MROH7: variants seen among roughly 807,000 people sequenced by gnomAD.
The protein encoded by MROH7 is maestro heat like repeat family member 7.
In MROH7, 113 loss-of-function variants were observed where a neutral mutation model predicts 129.2. That is an observed-to-expected ratio of 0.87 (90% CI 0.75 to 1.02). The LOEUF is 1.02. MROH7 is among the 50% of genes least tolerant of loss of function. The pLI, the probability that MROH7 is intolerant of heterozygous loss-of-function variation, is 0.00. For missense variants in MROH7, 1,601 were observed against 1,671.3 expected, an observed-to-expected ratio of 0.96 and a Z score of 0.73; for synonymous variants, 655 against 667.9, an observed-to-expected ratio of 0.98 and a Z score of 0.30.
intron 4 of MROH7, 88 bp from the exon 5 acceptor site, chr1:54,668,766 G>C (rs1644851105): frequency 2.2e-6 from 2 of 889,772 alleles, no homozygotes; most frequent in Non-Finnish European, 3.7e-6. Context: ...GTAGGTGTCG[G>C]GTGGTTAACA....
intron 14 of MROH7, 146 bp downstream of exon 14, chr1:54,682,940 G>A (rs553489746): frequency 4.6e-6 from 4 of 863,046 alleles, no homozygotes; most frequent in Non-Finnish European, 6.9e-6. Context: ...TCTGGCTCTG[G>A]CTCTTGTCTG....
At chr1:54,661,504 G>A (rs1198719642) in intron 3 of MROH7, among the ~76,000 whole-genome samples, 1 of 151,954 alleles carries the variant, frequency 6.6e-6, no homozygotes, top group Non-Finnish European at 1.5e-5. Flanking sequence ...GAACCACCAC[G>A]TCAGGCCCTG....
chr1:54,701,872 G>GT (rs34319524), intron 19 of MROH7, among the ~76,000 whole-genome samples: 2,093 of 147,608 alleles, frequency 0.014, 31 homozygotes, highest in African/African-American at 0.042. Flanking sequence ...CACCTGGCCA[G>GT]TTTTTTTTTT....
intron 7 of MROH7, among the ~76,000 whole-genome samples, chr1:54,672,795 C>T (rs1644921475): frequency 6.6e-6 from 1 of 152,076 alleles, no homozygotes; most frequent in Admixed American, 6.5e-5. Flanking sequence ...GGCAAATCAC[C>T]AGGTAGCCAC....
In MROH7 at chr1:54,679,890, G is replaced by C. The variant is rs752665202; in HGVS notation, c.2227-1G>C. The stretch of plus-strand genomic sequence containing the variant: ...TCATGGCTGCCCCGGCTGTGCCCCA[G>C]ATCCCAGAAATCATGCAAGGCATCT... On this transcript the variant is annotated splice_acceptor_variant, in intron 12 of 23. Coordinates refer to ENST00000421030, the MANE Select transcript of MROH7 (RefSeq NM_001039464.4). LOFTEE classifies it high-confidence loss of function. 1 of 1,606,034 alleles carries C rather than the reference G, an allele frequency of 6.2e-7. No homozygotes were observed. The highest frequency in any genetic ancestry group is 1.1e-5 in the South Asian group (1 of 90,928).
intron 5 of MROH7, among the ~76,000 whole-genome samples, chr1:54,670,129 G>C (rs1644873828): frequency 6.6e-6 from 1 of 152,048 alleles, no homozygotes; most frequent in South Asian, 2.1e-4. Context: ...GTTTTCAAGG[G>C]CCACACATAG....
chr1:54,645,181 T>TGTTG (rs987074185), intron 1 of MROH7, among the ~76,000 whole-genome samples: 2 of 152,196 alleles, frequency 1.3e-5, no homozygotes, highest in Non-Finnish European at 2.9e-5. Flanking sequence ...TCAGTGTTAA[T>TGTTG]GTTGGTTGGT....
At position 54,653,826 on chromosome 1, in the gene MROH7, G is replaced by A; in HGVS notation, c.900G>A (p.Leu300=). ...VTITQASYVT[L]IPGSSYGISL... ...TCACTCAAGCCTCGTATGTGACCCT[G>A]ATTCCTGGCTCCAGCTATGGTATCA... Residue 300 remains leucine, a synonymous_variant, in exon 3 of 24, where the codon CTG becomes CTA. Coordinates refer to ENST00000421030, the MANE Select transcript of MROH7 (RefSeq NM_001039464.4). 1 of 1,614,126 alleles carries A rather than the reference G, an allele frequency of 6.2e-7. No homozygotes were observed. The highest frequency in any genetic ancestry group is 8.5e-7 in the Non-Finnish European group (1 of 1,180,002).
In MROH7 at chr1:54,695,412, C is replaced by T. The variant is rs146007179; in HGVS notation, c.2886C>T (p.Arg962=). The T allele has an allele frequency of 1.1e-3, 1,768 of 1,613,606 alleles. 19 individuals are homozygous for T. The African/African-American group carries it at 0.021, about 19-fold the overall frequency. Residue 962 remains arginine (R), a synonymous_variant, in exon 17 of 24, where the codon CGC becomes CGT. Transcript: ENST00000421030. ...AGTACTCCTGCCAGGAGCTGTGCCG[C>T]ATCCTCTACCTGCTCATCCCGCTCC... ...MVQYSCQELC[R]ILYLLIPLLE... is the part of the protein sequence containing the mutation.
At position 54,653,002 on chromosome 1, in the gene MROH7, GC is replaced by G; in HGVS notation, c.80del (p.Pro27ArgfsTer3). ...GACACCAAGTCCCCCCTCCTGTGGGGCCCCGGGATTAGGGTCTGGTACCATC... is the reference window on the plus strand; with the variant it reads ...GACACCAAGTCCCCCCTCCTGTGGGGCCCGGGATTAGGGTCTGGTACCATC... Reference protein sequence around the residue: ...KMTPSPPSCGAPGLGSGTIPQ... With the variant: ...KMTPSPPSCGXPGLGSGTIPQ... On this transcript the variant is annotated frameshift_variant, in exon 3 of 24. Transcript: ENST00000421030. LOFTEE classifies it high-confidence loss of function. The G allele has an allele frequency of 1.9e-6, 3 of 1,614,036 alleles. No homozygotes were observed. Among genetic ancestry groups the G allele is most frequent in the Middle Eastern group, 1.7e-4 (1 of 6,058 alleles).
intron 22 of MROH7, among the ~76,000 whole-genome samples, chr1:54,707,779 T>C (rs11206418): frequency 0.25 from 38,240 of 151,820 alleles, 4,974 homozygotes; most frequent in South Asian, 0.34. Context: ...TTAACCTTTT[T>C]TGGGTTATGG....
rs1394547518 is a variant in MROH7 at position 54,703,254 on chromosome 1, A to G, written c.3564+509A>G. 6.6e-6 allele frequency among the ~76,000 whole-genome samples: 1 copy of G among 151,502 alleles called. No individual in the cohort carries two copies. The highest frequency in any genetic ancestry group is 1.5e-5 in the Non-Finnish European group (1 of 67,904). On this transcript the variant is annotated intron_variant, in intron 21 of 23. Transcript: ENST00000421030. The surrounding 1 kb of genome is among the most constrained non-coding windows in gnomAD (Gnocchi z 4.4). ...CCTTTAACTCCATCCCCTCCAATCC[A>G]TTTCCCACCCAGGCCACCAGAATGG...
chr1:54,706,621 C>T, intron 22 of MROH7, 84 bp downstream of exon 22: 2 of 1,012,486 alleles, frequency 2.0e-6, no homozygotes, highest in African/African-American at 1.6e-5. Context: ...CTAGCCCTTT[C>T]AGCACCTGGG....
Position 54,659,733 on chromosome 1 carries a change from G to A in MROH7, c.1232-5434G>A, listed in dbSNP as rs573663764. On this transcript the variant is annotated intron_variant, in intron 3 of 23. Transcript: ENST00000421030. ...CTCCCAAAGTGCCAGGATTACAAGC[G>A]TGAGCCACTGTGCCCGGCTGTACTT... is the stretch of plus-strand genomic sequence containing the variant. Among the ~76,000 whole-genome samples, 4 of 152,284 alleles carry A rather than the reference G, an allele frequency of 2.6e-5. No individual in the cohort carries two copies. The East Asian group carries it at 5.8e-4, about 22-fold the overall frequency.
At position 54,679,393 on chromosome 1, in the gene MROH7, T is replaced by C. The variant is rs1645032077; in HGVS notation, c.2180T>C (p.Met727Thr). The C allele has an allele frequency of 6.2e-7, 1 of 1,614,040 alleles. No homozygotes were observed. The highest frequency in any genetic ancestry group is 2.2e-5 in the East Asian group (1 of 44,880). Residue 727 changes from methionine (M) to threonine (T), a missense_variant, in exon 12 of 24, where the codon ATG (methionine) becomes ACG (threonine). Met to Thr is a moderately conservative substitution (Grantham distance 81). Transcript: ENST00000421030. Reference protein sequence around the residue: ...REMMQLASEVMLSSVLEWYRH... With the variant: ...REMMQLASEVTLSSVLEWYRH... ...ATGATGCAGCTGGCCTCGGAGGTCA[T>C]GCTCAGCTCGGTGCTGGAGTGGTAC...
At chr1:54,709,200 G>T in intron 23 of MROH7, 124 bp downstream of exon 23, 1 of 916,280 alleles carries the variant, frequency 1.1e-6, no homozygotes, top group Non-Finnish European at 1.7e-6. Context: ...CAGTTCAGTT[G>T]TACTAGTTTT....
At position 54,674,030 on chromosome 1, in the gene MROH7, C is replaced by T. The variant is rs368599959; in HGVS notation, c.1815C>T (p.Phe605=). Residue 605 remains phenylalanine, a synonymous_variant, in exon 10 of 24, where the codon TTC becomes TTT. Transcript: ENST00000421030. The part of the protein sequence containing the change: ...LTLPFFMPLG[F]PALGLLLGRL... ...AATACAAACAGATGCCCTTGGGGTT[C>T]CCGGCGCTGGGGCTTCTGCTGGGGA... 3.9e-5 allele frequency: 63 copies of T among 1,614,024 alleles called. 1 individual carries two copies. The South Asian group carries it at 4.1e-4, about 10-fold the overall frequency.
intron 11 of MROH7, 107 bp from the exon 12 acceptor site, chr1:54,679,156 C>G: frequency 8.8e-7 from 1 of 1,138,100 alleles, no homozygotes; most frequent in Non-Finnish European, 1.3e-6. Flanking sequence ...CCCTGCTGAC[C>G]TCTGCATGTG....
At chr1:54,656,747 G>A (rs1644654719) in intron 3 of MROH7, among the ~76,000 whole-genome samples, 1 of 152,014 alleles carries the variant, frequency 6.6e-6, no homozygotes, top group Admixed American at 6.6e-5. Flanking sequence ...GGAGGCAGAG[G>A]TTGCAGTAAG....
Sources: gnomAD v4.1 joint callset for allele counts (sites outside exome capture counted in the v4.1 genomes callset) on GRCh38, gnomAD v4.1.1 for gene constraint, Gnocchi (gnomAD v3.1) non-coding constraint, MANE v1.5 for transcripts, NCBI Gene and HGNC (gene_info 2026-07-23, HGNC 2026-07-21) for gene names.